Variants in ATP8A2 observed in about 807,000 individuals in gnomAD.
ATP8A2 encodes the protein phospholipid-transporting ATPase IB.
A neutral mutation model predicts 165.6 loss-of-function variants in ATP8A2; 100 were observed. The ratio of observed to expected loss-of-function variants is 0.60; its 90% CI spans 0.51 to 0.71. ATP8A2 has a LOEUF of 0.71. Ranked by LOEUF, ATP8A2 falls within the 30% of genes least tolerant of loss-of-function variation. The pLI is 0.00. For synonymous variants in ATP8A2, 543 were observed against 548.8 expected (o/e 0.99, Z 0.15); for missense variants, 1,227 against 1,479.5 (o/e 0.83, Z 2.80).
intron 33 of ATP8A2, among the ~76,000 whole-genome samples, chr13:25,887,798 A>T (rs1034077533): frequency 6.6e-6 from 1 of 151,912 alleles, no homozygotes; most frequent in Non-Finnish European, 1.5e-5. Context: ...TTAAGTTTTG[A>T]TTTGTCTATT....
At position 25,842,669 on chromosome 13, in the gene ATP8A2, CA is replaced by C. The variant is rs540366009; in HGVS notation, c.2956+3056del. Reference sequence around the variant, plus strand: ...CCTGGGCCAAAAAGCAAAACTCTGTCAAAAAAAAAAAGAAAGAAAGAAAAAG... The same window carrying C: ...CCTGGGCCAAAAAGCAAAACTCTGTCAAAAAAAAAAGAAAGAAAGAAAAAG... On this transcript the variant is annotated intron_variant, in intron 30 of 36. Transcript: ENST00000381655. Among the ~76,000 whole-genome samples the C allele has an allele frequency of 2.8e-3, 188 of 66,270 alleles. 1 individual carries two copies. Among genetic ancestry groups the C allele is most frequent in the East Asian group, 0.027 (62 of 2,336 alleles). 43.5% of individuals were successfully genotyped at this position (66,270 alleles called of 152,430 possible).
At chr13:25,849,044 G>A (rs1345468042) in intron 30 of ATP8A2, among the ~76,000 whole-genome samples, 1 of 152,168 alleles carries the variant, frequency 6.6e-6, no homozygotes, top group Non-Finnish European at 1.5e-5. Flanking sequence ...TAATGTTCTG[G>A]AATCCCGGCT....
Position 25,961,660 on chromosome 13 carries a change from G to A in ATP8A2, c.3269G>A (p.Arg1090Lys), listed in dbSNP as rs780583428. The stretch of plus-strand genomic sequence containing the variant: ...TGTTTGATTGAAGATGTGGCATGGA[G>A]AGCGTAAGTTTAACAGTGAAGCGGG... ...TACLIEDVAWRAAKHTCKKTL... is the reference protein window; with the variant it reads ...TACLIEDVAWKAAKHTCKKTL... The change falls in exon 34 of 37, where the codon AGA becomes AAA. Residue 1090 changes from arginine to lysine, a missense_variant. By Grantham distance (26) the Arg-to-Lys change is conservative. This residue lies in a region of ATP8A2 where 260 missense variants were observed against 245.1 expected (regional missense o/e 1.06). Transcript: ENST00000381655. 3 of 1,612,428 alleles carry A rather than the reference G, an allele frequency of 1.9e-6. No individual in the cohort carries two copies. Among genetic ancestry groups the A allele is most frequent in the Non-Finnish European group, 1.7e-6 (2 of 1,178,456 alleles).
At chr13:25,547,386 C>T (rs954496188) in intron 10 of ATP8A2, among the ~76,000 whole-genome samples, 44 of 152,042 alleles carry the variant, frequency 2.9e-4, no homozygotes, top group African/African-American at 9.9e-4. Context: ...TGTCAATCAG[C>T]GGTGGCATTA....
chr13:25,489,668 T>G (rs1053903097), intron 2 of ATP8A2, among the ~76,000 whole-genome samples: 1 of 152,210 alleles, frequency 6.6e-6, no homozygotes, highest in African/African-American at 2.4e-5. Context: ...AGGTCAGAAT[T>G]GAACAGAAAA....
intron 24 of ATP8A2, among the ~76,000 whole-genome samples, chr13:25,654,807 C>A (rs2041890906): frequency 6.6e-6 from 1 of 152,174 alleles, no homozygotes; most frequent in Non-Finnish European, 1.5e-5. Flanking sequence ...GCAGGTGGTA[C>A]ATAGAAATGC....
chr13:25,976,155 C>T (rs1956031203), intron 35 of ATP8A2, among the ~76,000 whole-genome samples: 1 of 152,158 alleles, frequency 6.6e-6, no homozygotes, highest in African/African-American at 2.4e-5. Context: ...GGCTTGACTT[C>T]TGGGCTCACT....
At chr13:25,784,798 C>T (rs1015697612) in intron 27 of ATP8A2, among the ~76,000 whole-genome samples, 3 of 151,978 alleles carry the variant, frequency 2.0e-5, no homozygotes, top group African/African-American at 4.8e-5. Flanking sequence ...AGGAGTCTCG[C>T]GCTGTCACCC....
intron 1 of ATP8A2, among the ~76,000 whole-genome samples, chr13:25,455,772 T>C (rs2035349494): frequency 6.6e-6 from 1 of 152,196 alleles, no homozygotes; most frequent in Non-Finnish European, 1.5e-5. Context: ...GACTTATAAT[T>C]AGAGACCCTT....
chr13:25,843,352 G>C (rs923471612), intron 30 of ATP8A2, among the ~76,000 whole-genome samples: 1 of 152,148 alleles, frequency 6.6e-6, no homozygotes, highest in Non-Finnish European at 1.5e-5. Context: ...GGAAAAAACA[G>C]TAACCTCCTA....
At chr13:25,961,337 A>C (rs189442738) in intron 33 of ATP8A2, among the ~76,000 whole-genome samples, 1 of 152,286 alleles carries the variant, frequency 6.6e-6, no homozygotes, top group Admixed American at 6.5e-5. Flanking sequence ...GCACTTTATA[A>C]AAGAGAGGCA....
rs184616739 is a variant in ATP8A2 at position 25,919,276 on chromosome 13, C to T, written c.3184-42299C>T. Among the ~76,000 whole-genome samples the T allele has an allele frequency of 3.1e-3, 468 of 152,256 alleles. 3 individuals are homozygous for T. The highest frequency in any genetic ancestry group is 0.01 in the African/African-American group (421 of 41,526). ...CTGGGGAAAATATAGACAAGGCCTCCGCTAAAGCATCCAGCATATGGCAGA... is the reference window on the plus strand; with the variant it reads ...CTGGGGAAAATATAGACAAGGCCTCTGCTAAAGCATCCAGCATATGGCAGA... On this transcript the variant is annotated intron_variant, in intron 33 of 36. Coordinates refer to ENST00000381655, the MANE Select transcript of ATP8A2 (RefSeq NM_016529.6).
intron 35 of ATP8A2, among the ~76,000 whole-genome samples, chr13:26,005,851 A>G (rs1223270935): frequency 6.6e-6 from 1 of 151,930 alleles, no homozygotes; most frequent in Non-Finnish European, 1.5e-5. Context: ...CTGGACTCTC[A>G]ATTATATTCT....
intron 23 of ATP8A2, among the ~76,000 whole-genome samples, chr13:25,587,601 C>T (rs1418589099): frequency 6.6e-6 from 1 of 152,200 alleles, no homozygotes; most frequent in Non-Finnish European, 1.5e-5. Flanking sequence ...ACCAGTAAAT[C>T]CTTTTGCATT....
At chr13:25,986,780 C>A (rs1041501879) in intron 35 of ATP8A2, among the ~76,000 whole-genome samples, 1 of 152,096 alleles carries the variant, frequency 6.6e-6, no homozygotes, top group African/African-American at 2.4e-5. Context: ...TTTTGAGGAA[C>A]CTCCATACTG....
chr13:25,606,645 T>C (rs1440206794), intron 24 of ATP8A2, among the ~76,000 whole-genome samples: 1 of 152,096 alleles, frequency 6.6e-6, no homozygotes, highest in East Asian at 1.9e-4. Context: ...TACCAGGAAA[T>C]TAAATGTAAA....
At chr13:25,784,725 T>C (rs558107303) in intron 27 of ATP8A2, among the ~76,000 whole-genome samples, 2 of 152,282 alleles carry the variant, frequency 1.3e-5, no homozygotes, top group African/African-American at 2.4e-5. Context: ...GTAATTTTCA[T>C]GCAGAGAACT....
intron 35 of ATP8A2, among the ~76,000 whole-genome samples, chr13:25,996,692 A>T (rs1008536315): frequency 2.7e-5 from 4 of 150,278 alleles, no homozygotes; most frequent in Admixed American, 1.3e-4. Flanking sequence ...TGCCTGGCTA[A>T]TTTTTTTTTG....
chr13:25,619,583 A>C (rs2137447635), intron 24 of ATP8A2, among the ~76,000 whole-genome samples: 1 of 152,316 alleles, frequency 6.6e-6, no homozygotes, highest in South Asian at 2.1e-4. Flanking sequence ...CAAACTATAA[A>C]ATGTAGCACA....
Sources: gnomAD v4.1 joint callset for allele counts (sites outside exome capture counted in the v4.1 genomes callset) on GRCh38, gnomAD v4.1.1 for gene constraint, gnomAD v4.1.1 regional missense constraint, MANE v1.5 for transcripts, NCBI Gene and HGNC (gene_info 2026-07-23, HGNC 2026-07-21) for gene names.